GBE1: variants seen among roughly 807,000 people sequenced by gnomAD.
The protein encoded by GBE1 is 1,4-alpha-glucan branching enzyme 1.
A neutral mutation model predicts 88.8 loss-of-function variants in GBE1; 70 were observed. The ratio of observed to expected loss-of-function variants is 0.79; its 90% CI spans 0.65 to 0.96. The LOEUF is 0.96. GBE1 is among the 40% of genes least tolerant of loss of function. The pLI, the probability that GBE1 is intolerant of heterozygous loss-of-function variation, is 0.00. For synonymous variants in GBE1, 284 were observed against 300.1 expected (o/e 0.95, Z 0.56); for missense variants, 872 against 871.0 (o/e 1.00, Z -0.01).
chr3:81,505,861 G>T (rs567757228), intron 14 of GBE1, among the ~76,000 whole-genome samples: 3 of 152,056 alleles, frequency 2.0e-5, no homozygotes, highest in South Asian at 4.2e-4. Flanking sequence ...TGACAGTTCT[G>T]CTAGCTAGCC....
chr3:81,588,228 T>C lies in GBE1; in HGVS notation c.1237-2038A>G, dbSNP rs866099773. Among the ~76,000 whole-genome samples the C allele has an allele frequency of 2.0e-5, 3 of 152,094 alleles. No individual in the cohort carries two copies. The East Asian group carries it at 5.8e-4, about 29-fold the overall frequency. On this transcript the variant is annotated intron_variant, in intron 9 of 15. Coordinates refer to ENST00000429644, the MANE Select transcript of GBE1 (RefSeq NM_000158.4). ...GCATAGTTCTTCATGGTTTATAAAGTAGAAAAAAGATCAGTAGAAAAGAAG... is the reference window on the plus strand; with the variant it reads ...GCATAGTTCTTCATGGTTTATAAAGCAGAAAAAAGATCAGTAGAAAAGAAG...
At chr3:81,528,774 T>C (rs1233916654) in intron 14 of GBE1, among the ~76,000 whole-genome samples, 2 of 152,106 alleles carry the variant, frequency 1.3e-5, no homozygotes, top group Non-Finnish European at 2.9e-5. Flanking sequence ...CTATATTATC[T>C]GATATTCATG....
At chr3:81,639,209 T>C (rs1224281074) in intron 7 of GBE1, among the ~76,000 whole-genome samples, 1 of 152,176 alleles carries the variant, frequency 6.6e-6, no homozygotes, top group Non-Finnish European at 1.5e-5. Context: ...GGAATATTCA[T>C]TAAATGCATT....
intron 7 of GBE1, among the ~76,000 whole-genome samples, chr3:81,607,532 A>G (rs183614753): frequency 6.6e-6 from 1 of 152,328 alleles, no homozygotes; most frequent in Non-Finnish European, 1.5e-5. Flanking sequence ...CTGGCGACAG[A>G]GCAAGATTCC....
At position 81,649,864 on chromosome 3, in the gene GBE1, AC is replaced by A; in HGVS notation, c.486del (p.Lys162AsnfsTer10). On this transcript the variant is annotated frameshift_variant, in exon 4 of 16. Coordinates refer to ENST00000429644, the MANE Select transcript of GBE1 (RefSeq NM_000158.4). LOFTEE classifies it high-confidence loss of function. ...EILYRISPWA[K>X]YVVREGDNVN... is the part of the protein sequence containing the mutation. ...ACATTATCACCTTCACGAACCACAT[AC>A]TTTGCCCACGGTGAAATACGATACA... is the stretch of plus-strand genomic sequence containing the variant. 1 of 1,611,272 alleles carries A rather than the reference AC, an allele frequency of 6.2e-7. No homozygotes were observed. Among genetic ancestry groups the A allele is most frequent in the Non-Finnish European group, 8.5e-7 (1 of 1,177,798 alleles).
chr3:81,743,716 T>G (rs1244086228), intron 1 of GBE1: 2 of 821,558 alleles, frequency 2.4e-6, no homozygotes, highest in East Asian at 3.0e-5. Context: ...AGATTTACTT[T>G]GTCTGGCCCA....
At chr3:81,684,412 A>G (rs1304960785) in intron 2 of GBE1, among the ~76,000 whole-genome samples, 1 of 152,210 alleles carries the variant, frequency 6.6e-6, no homozygotes, top group East Asian at 1.9e-4. Context: ...GAAGTCTAAG[A>G]TCAGGGTGGC....
chr3:81,668,952 G>C (rs1705152239), intron 3 of GBE1, among the ~76,000 whole-genome samples: 1 of 152,056 alleles, frequency 6.6e-6, no homozygotes, highest in Non-Finnish European at 1.5e-5. Context: ...TTCCTTAAAG[G>C]CAGTAATTTT....
chr3:81,493,295 T>C (rs922696777), intron 15 of GBE1, among the ~76,000 whole-genome samples: 13 of 152,234 alleles, frequency 8.5e-5, no homozygotes, highest in African/African-American at 2.9e-4. Context: ...CTGGGAAAGT[T>C]GCAATGAAAC....
intron 14 of GBE1, chr3:81,534,636 T>G (rs1329899197): frequency 6.6e-6 from 1 of 152,056 alleles, no homozygotes; most frequent in African/African-American, 2.4e-5. Flanking sequence ...GGAAGGACAC[T>G]ATCATTACAA....
intron 1 of GBE1, among the ~76,000 whole-genome samples, chr3:81,744,145 G>T (rs1706390598): frequency 6.6e-6 from 1 of 151,946 alleles, no homozygotes; most frequent in East Asian, 1.9e-4. Context: ...CACCTGCACT[G>T]TCTAATATGG....
intron 14 of GBE1, among the ~76,000 whole-genome samples, chr3:81,510,459 G>A (rs1052114393): frequency 4.6e-5 from 7 of 152,078 alleles, no homozygotes; most frequent in African/African-American, 1.7e-4. Flanking sequence ...GGCTAAACTA[G>A]TGTCCCATGA....
chr3:81,636,517 C>T (rs1704593559), intron 7 of GBE1, among the ~76,000 whole-genome samples: 2 of 150,700 alleles, frequency 1.3e-5, no homozygotes. Context: ...TTTAATCATC[C>T]ATCATTTGTT....
chr3:81,735,043 T>C (rs1422465856), intron 1 of GBE1, among the ~76,000 whole-genome samples: 1 of 152,164 alleles, frequency 6.6e-6, no homozygotes, highest in Non-Finnish European at 1.5e-5. Flanking sequence ...ATTTAGTAGC[T>C]ATCTCAGTTA....
At chr3:81,698,062 ATG>A (rs907802787) in intron 2 of GBE1, among the ~76,000 whole-genome samples, 19 of 145,858 alleles carry the variant, frequency 1.3e-4, no homozygotes, top group African/African-American at 4.3e-4. Flanking sequence ...ATATATATAT[ATG>A]TGTATATATA....
chr3:81,632,846 G>GC (rs1415819088), intron 7 of GBE1, among the ~76,000 whole-genome samples: 1 of 152,108 alleles, frequency 6.6e-6, no homozygotes, highest in Non-Finnish European at 1.5e-5. Flanking sequence ...AATGCCCAGA[G>GC]GGACAATTAC....
intron 3 of GBE1, among the ~76,000 whole-genome samples, chr3:81,663,364 C>A (rs1424867037): frequency 1.3e-5 from 2 of 152,084 alleles, no homozygotes; most frequent in Non-Finnish European, 2.9e-5. Flanking sequence ...GGAGGGGGCA[C>A]GCCAGCTGAA....
intron 14 of GBE1, among the ~76,000 whole-genome samples, chr3:81,530,286 G>A (rs570809561): frequency 4.2e-4 from 60 of 142,350 alleles, no homozygotes; most frequent in Non-Finnish European, 8.4e-4. Flanking sequence ...TTTTTTTTCT[G>A]TCAGAAAGGT....
At chr3:81,669,607 A>G (rs1705160556) in intron 3 of GBE1, among the ~76,000 whole-genome samples, 1 of 151,776 alleles carries the variant, frequency 6.6e-6, no homozygotes, top group Non-Finnish European at 1.5e-5. Context: ...CAAAGAATTG[A>G]GAGTATACAG....
Sources: gnomAD v4.1 joint callset for allele counts (sites outside exome capture counted in the v4.1 genomes callset) on GRCh38, gnomAD v4.1.1 for gene constraint, MANE v1.5 for transcripts, NCBI Gene and HGNC (gene_info 2026-07-23, HGNC 2026-07-21) for gene names.